Variants in MORN3 observed in about 807,000 individuals in gnomAD.
The protein encoded by MORN3 is MORN repeat-containing protein 3.
In MORN3, 38 loss-of-function variants were observed where a neutral mutation model predicts 34.7. The ratio of observed to expected loss-of-function variants is 1.10; its 90% CI spans 0.85 to 1.44. The LOEUF (loss-of-function observed/expected upper bound fraction) is 1.44. Ranked by LOEUF, MORN3 falls within the 40% of genes most tolerant of loss-of-function variation. The pLI is 0.00. For synonymous variants in MORN3, 109 were observed against 115.3 expected, an observed-to-expected ratio of 0.95 and a Z score of 0.35; for missense variants, 311 against 321.7, an observed-to-expected ratio of 0.97 and a Z score of 0.25.
rs1555325489 is a variant in MORN3, at chr12:121,654,389, A to C, written c.348T>G (p.Gly116=). ...CGCTGCGCTGGCTGCCACACCAGTC[A>C]CCCTCATAATACTCCTTGGGTCCGA... is the stretch of plus-strand genomic sequence containing the variant. ...QFFGPKEYYE[G]DWCGSQRSGW... is the part of the protein sequence containing the mutation. The change falls in exon 3 of 6, where the codon GGT becomes GGG. Residue 116 remains glycine (G), a synonymous_variant. Coordinates refer to ENST00000355329, the MANE Select transcript of MORN3 (RefSeq NM_173855.5). 1 of 1,601,060 alleles carries C rather than the reference A, an allele frequency of 6.2e-7. No individual in the cohort carries two copies. Among genetic ancestry groups the C allele is most frequent in the Non-Finnish European group, 8.5e-7 (1 of 1,174,332 alleles).
intron 1 of MORN3, 135 bp downstream of exon 1, chr12:121,669,204 G>C: frequency 1.7e-6 from 2 of 1,183,366 alleles, no homozygotes; most frequent in Non-Finnish European, 2.4e-6. Flanking sequence ...AGCTGGCCTG[G>C]GCCAGCGCTC....
intron 3 of MORN3, 126 bp from the exon 4 acceptor site, chr12:121,653,385 G>A (rs1296650580): frequency 7.1e-6 from 7 of 987,718 alleles, no homozygotes; most frequent in Middle Eastern, 2.4e-4. Context: ...AGGCTCATAA[G>A]CCCAGGAGAT....
intron 1 of MORN3, among the ~76,000 whole-genome samples, chr12:121,663,456 C>T (rs1893646632): frequency 6.6e-6 from 1 of 152,136 alleles, no homozygotes; most frequent in Non-Finnish European, 1.5e-5. Flanking sequence ...TCTCAGCCTC[C>T]CAAAGTGCTG....
chr12:121,666,056 A>G (rs184253988), intron 1 of MORN3, among the ~76,000 whole-genome samples: 3 of 152,152 alleles, frequency 2.0e-5, no homozygotes, highest in African/African-American at 7.2e-5. Context: ...AAGGCTGGGC[A>G]TGATGGCTCA....
At chr12:121,661,696 T>C (rs1428985710) in intron 1 of MORN3, among the ~76,000 whole-genome samples, 1 of 151,980 alleles carries the variant, frequency 6.6e-6, no homozygotes, top group East Asian at 1.9e-4. Context: ...GCCAACATAG[T>C]GAAACCTGGT....
At chr12:121,658,531 A>C (rs953236539) in intron 2 of MORN3, among the ~76,000 whole-genome samples, 4 of 145,254 alleles carry the variant, frequency 2.8e-5, no homozygotes, top group Admixed American at 7.2e-5. Flanking sequence ...GCGCCACTGC[A>C]CTCCAGCCTG....
chr12:121,665,211 G>A (rs1893705880), intron 1 of MORN3, among the ~76,000 whole-genome samples: 1 of 146,486 alleles, frequency 6.8e-6, no homozygotes, highest in African/African-American at 2.5e-5. Context: ...TAGCCTAACA[G>A]TACTGGAGTA....
At chr12:121,669,869 T>G (rs1398434002), upstream of MORN3, among the ~76,000 whole-genome samples, 5 of 143,192 alleles carry the variant, frequency 3.5e-5, no homozygotes, top group African/African-American at 5.6e-5. Context: ...TTTTATTTAT[T>G]TATGTATTTA....
chr12:121,663,300 G>A (rs1363342428), intron 1 of MORN3, among the ~76,000 whole-genome samples: 1 of 151,206 alleles, frequency 6.6e-6, no homozygotes, highest in Non-Finnish European at 1.5e-5. Flanking sequence ...CTGGGTTCAA[G>A]CGATTCTCCT....
Position 121,654,292 on chromosome 12 carries a change from C to A in MORN3, c.445G>T (p.Glu149Ter), listed in dbSNP as rs1167551375. The change falls in exon 3 of 6, where the codon GAG (glutamate) becomes TAG (stop). Residue 149 changes from glutamate (E) to a stop codon, truncating the protein, a stop_gained. Coordinates refer to ENST00000355329, the MANE Select transcript of MORN3 (RefSeq NM_173855.5). LOFTEE classifies it high-confidence loss of function. ...CACTCACTCAGGCGCAGCATGCCCT[C>A]CCCGTTGGGCTTGTCGTTCTCCCAC... ...GQWENDKPNG[E>*]GMLRLKNGNR... is the part of the protein sequence containing the mutation. The A allele has an allele frequency of 1.3e-6, 2 of 1,589,126 alleles. No individual in the cohort carries two copies. Among genetic ancestry groups the A allele is most frequent in the Non-Finnish European group, 1.7e-6 (2 of 1,169,130 alleles).
At chr12:121,670,537 A>C (rs1893927968), upstream of MORN3, among the ~76,000 whole-genome samples, 1 of 152,200 alleles carries the variant, frequency 6.6e-6, no homozygotes, top group African/African-American at 2.4e-5. Context: ...GGCCAGGCGC[A>C]GTGGCTCATG....
chr12:121,664,007 C>T (rs1001495900), intron 1 of MORN3, among the ~76,000 whole-genome samples: 1 of 152,108 alleles, frequency 6.6e-6, no homozygotes, highest in African/African-American at 2.4e-5. Context: ...TGTATTCTAC[C>T]CACCAGGCTG....
chr12:121,664,708 C>A (rs1255093785), intron 1 of MORN3, among the ~76,000 whole-genome samples: 1 of 151,992 alleles, frequency 6.6e-6, no homozygotes, highest in African/African-American at 2.4e-5. Flanking sequence ...CTAGCCAATA[C>A]ATTGATTGGC....
intron 1 of MORN3, among the ~76,000 whole-genome samples, chr12:121,665,339 G>C (rs1453232190): frequency 8.3e-6 from 1 of 121,042 alleles, no homozygotes; most frequent in African/African-American, 3.2e-5. Flanking sequence ...CGCCCAGGCT[G>C]GAGTGCACTG....
chr12:121,656,501 T>G (rs1218704135), intron 2 of MORN3, among the ~76,000 whole-genome samples: 1 of 151,940 alleles, frequency 6.6e-6, no homozygotes, highest in Non-Finnish European at 1.5e-5. Flanking sequence ...TTATTATTAT[T>G]ATATAGTTTT....
upstream of MORN3, chr12:121,669,788 AG>A: frequency 4.5e-6 from 1 of 223,854 alleles, no homozygotes; most frequent in Admixed American, 5.1e-5. Flanking sequence ...AGCTGCCCCC[AG>A]GGAGGGGGTG....
chr12:121,659,137 GCACACACACACACA>G lies in MORN3; in HGVS notation c.303+40_303+53del, dbSNP rs57639477. The G allele has an allele frequency of 7.9e-5, 118 of 1,485,602 alleles. No individual in the cohort carries two copies. The East Asian group carries it at 1.5e-3, about 18-fold the overall frequency. The allele number at this position is 1,485,602 out of a possible 1,614,324, so 92.0% of individuals were successfully genotyped here. A position where few individuals can be genotyped will look rare whatever the true frequency, so the allele number is the denominator to read the frequency against. Reference sequence around the variant, plus strand: ...CGGCTTCCCCTAAACACACACGCGCGCACACACACACACACACACACACACACACACCCCGGCTG... The same window carrying G: ...CGGCTTCCCCTAAACACACACGCGCGCACACACACACACACACCCCGGCTG... On this transcript the variant is annotated intron_variant, in intron 2 of 5. Coordinates refer to ENST00000355329, the MANE Select transcript of MORN3 (RefSeq NM_173855.5).
upstream of MORN3, among the ~76,000 whole-genome samples, chr12:121,670,679 C>T (rs994726463): frequency 3.3e-5 from 5 of 151,410 alleles, no homozygotes; most frequent in Admixed American, 6.6e-5. Flanking sequence ...CCTGGTGGTA[C>T]GCGCCTGTAA....
At chr12:121,653,435 C>CA (rs201098047) in intron 3 of MORN3, among the ~76,000 whole-genome samples, 176 bp from the exon 4 acceptor site, 56 of 149,026 alleles carry the variant, frequency 3.8e-4, no homozygotes, top group Admixed American at 5.3e-4. Flanking sequence ...CACATCTCTG[C>CA]AAAAAAAAAA....
Sources: gnomAD v4.1 joint callset for allele counts (sites outside exome capture counted in the v4.1 genomes callset) on GRCh38, gnomAD v4.1.1 for gene constraint, MANE v1.5 for transcripts, NCBI Gene and HGNC (gene_info 2026-07-23, HGNC 2026-07-21) for gene names.